The following CYP2C8 variants were observed in gnomAD, a reference collection of about 807,000 sequenced individuals.
CYP2C8 encodes the protein cytochrome P450 2C8.
In CYP2C8, 51 loss-of-function variants were observed where a neutral mutation model predicts 41.3. The observed-to-expected ratio is 1.24, with a 90% confidence interval of 0.99 to 1.56. CYP2C8 has a LOEUF of 1.56. Among genes scored for constraint, CYP2C8 ranks in the 40% most tolerant of loss-of-function variants. CYP2C8 has a pLI of 0.00. For synonymous variants in CYP2C8, 218 were observed against 205.8 expected, an observed-to-expected ratio of 1.06 and a Z score of -0.51; for missense variants, 651 against 579.9, an observed-to-expected ratio of 1.12 and a Z score of -1.26.
At chr10:95,046,797 G>A (rs896921942) in intron 5 of CYP2C8, among the ~76,000 whole-genome samples, 1 of 150,918 alleles carries the variant, frequency 6.6e-6, no homozygotes, top group East Asian at 1.9e-4. Flanking sequence ...CATGCTTCAG[G>A]GCTACCATAT....
intron 5 of CYP2C8, among the ~76,000 whole-genome samples, chr10:95,054,186 A>T (rs59825959): frequency 0.097 from 14,725 of 151,898 alleles, 1,113 homozygotes; most frequent in African/African-American, 0.21. Context: ...GGATTTTTTT[A>T]AAAAAAATTA....
chr10:95,051,362 G>A (rs971594539), intron 5 of CYP2C8, among the ~76,000 whole-genome samples: 1 of 152,042 alleles, frequency 6.6e-6, no homozygotes, highest in African/African-American at 2.4e-5. Context: ...ACAGGATCTA[G>A]AAAATAGTCT....
rs1253181165 is a variant in CYP2C8, at chr10:95,046,815, AGTC to A, written c.820-867_820-865del. 2.6e-5 allele frequency among the ~76,000 whole-genome samples: 4 copies of A among 151,362 alleles called. No homozygotes were observed. In the East Asian group the frequency reaches 5.8e-4, roughly 22 times the overall value. Reference sequence around the variant, plus strand: ...GCTTCAGGGCTACCATATTATTTCTAGTCTAGCCCACTATAAGACTTCTTGTAT... The same window carrying A: ...GCTTCAGGGCTACCATATTATTTCTATAGCCCACTATAAGACTTCTTGTAT... On this transcript the variant is annotated intron_variant, in intron 5 of 8. Transcript: ENST00000371270.
chr10:95,038,821 G>T (rs11572170), intron 8 of CYP2C8, 76 bp downstream of exon 8: 46,982 of 1,374,554 alleles, frequency 0.034, 1,177 homozygotes, highest in Middle Eastern at 0.12. Flanking sequence ...CCCAGAGGAG[G>T]TGCCATGTAA....
intron 3 of CYP2C8, 129 bp downstream of exon 3, chr10:95,067,079 C>T: frequency 7.6e-7 from 1 of 1,311,966 alleles, no homozygotes; most frequent in Non-Finnish European, 1.1e-6. Flanking sequence ...TCAAATCTCC[C>T]TCCACCACCT....
At position 95,069,296 on chromosome 10, in the gene CYP2C8, A is replaced by G; in HGVS notation, c.107T>C (p.Leu36Pro). ...RRKLPPGPTP[L>P]PIIGNMLQID... is the part of the protein sequence containing the mutation. ...CTGTAGCATATTTCCAATAATAGGA[A>G]GAGGAGTGGGGCCAGGAGGGAGCTT... The change falls in exon 1 of 9, where the codon CTT (leucine) becomes CCT (proline). Residue 36 changes from leucine (L) to proline (P), a missense_variant. Physicochemically the swap from Leu to Pro is moderately conservative, Grantham distance 98. Coordinates refer to ENST00000371270, the MANE Select transcript of CYP2C8 (RefSeq NM_000770.3). 1.2e-6 allele frequency: 2 copies of G among 1,614,030 alleles called. No individual in the cohort carries two copies. Among genetic ancestry groups the G allele is most frequent in the South Asian group, 1.1e-5 (1 of 91,078 alleles).
intron 6 of CYP2C8, among the ~76,000 whole-genome samples, chr10:95,045,537 C>T (rs1333521369): frequency 6.6e-6 from 1 of 152,204 alleles, no homozygotes; most frequent in Non-Finnish European, 1.5e-5. Context: ...TGCTGGCTCT[C>T]CTTACCACAA....
At chr10:95,059,576 T>TC (rs529905443) in intron 4 of CYP2C8, among the ~76,000 whole-genome samples, 204 of 152,342 alleles carry the variant, frequency 1.3e-3, no homozygotes, top group African/African-American at 4.4e-3. Context: ...GCAAAATTTT[T>TC]CTCCCATTCT....
intron 5 of CYP2C8, among the ~76,000 whole-genome samples, chr10:95,052,418 G>A (rs1430610913): frequency 8.6e-5 from 13 of 151,938 alleles, no homozygotes; most frequent in Non-Finnish European, 1.3e-4. Flanking sequence ...CCACAAAATA[G>A]TGAAGGAGGG....
chr10:95,057,235 C>T (rs1564738773), intron 5 of CYP2C8, among the ~76,000 whole-genome samples: 1 of 152,004 alleles, frequency 6.6e-6, no homozygotes, highest in Admixed American at 6.6e-5. Context: ...CAATCTGGTC[C>T]CATGTCCAAG....
intron 4 of CYP2C8, among the ~76,000 whole-genome samples, chr10:95,059,752 T>C (rs2033385469): frequency 6.6e-6 from 1 of 152,256 alleles, no homozygotes; most frequent in African/African-American, 2.4e-5. Flanking sequence ...GCCTAGGTTT[T>C]CTTCTAGAAT....
intron 7 of CYP2C8, among the ~76,000 whole-genome samples, chr10:95,042,181 G>A (rs12571878): frequency 6.6e-6 from 1 of 151,912 alleles, no homozygotes; most frequent in Admixed American, 6.6e-5. Context: ...GAAAATCCTA[G>A]CCAGCACAAT....
chr10:95,058,400 G>C lies in CYP2C8; in HGVS notation c.754C>G (p.Gln252Glu), dbSNP rs2033352438. 6.2e-7 allele frequency: 1 copy of C among 1,613,304 alleles called. No homozygotes were observed. Among genetic ancestry groups the C allele is most frequent in the South Asian group, 1.1e-5 (1 of 91,072 alleles). The change falls in exon 5 of 9, where the codon CAA (glutamine) becomes GAA (glutamate). Residue 252 changes from glutamine (Q) to glutamate (E), a missense_variant. Physicochemically the swap from Gln to Glu is conservative, Grantham distance 29. Coordinates refer to ENST00000371270, the MANE Select transcript of CYP2C8 (RefSeq NM_000770.3). Reference sequence around the variant, plus strand: ...GGATTGTTAACATCCAGTGATGCTTGGTGTTCTTTTACTTTCTCCCTAATG... The same window carrying C: ...GGATTGTTAACATCCAGTGATGCTTCGTGTTCTTTTACTTTCTCCCTAATG... ...SYIREKVKEH[Q>E]ASLDVNNPRD...
intron 5 of CYP2C8, among the ~76,000 whole-genome samples, chr10:95,052,729 G>A (rs373348420): frequency 9.2e-5 from 14 of 152,010 alleles, no homozygotes; most frequent in African/African-American, 2.9e-4. Flanking sequence ...AAAATTATTC[G>A]ATAAAATTCA....
intron 7 of CYP2C8, among the ~76,000 whole-genome samples, chr10:95,042,169 C>T (rs2033015630): frequency 6.6e-6 from 1 of 152,084 alleles, no homozygotes; most frequent in Non-Finnish European, 1.5e-5. Flanking sequence ...CAATGCTAAC[C>T]TGAAAATCCT....
rs1202095450 is a variant in CYP2C8, at chr10:95,068,439, A to G, written c.169-748T>C. On this transcript the variant is annotated intron_variant, in intron 1 of 8. Coordinates refer to ENST00000371270, the MANE Select transcript of CYP2C8 (RefSeq NM_000770.3). ...CCCTGACTGATTACTTCTTTCTTTCATGCACTTATGTTTGCCCTGAACCCA... is the reference window on the plus strand; with the variant it reads ...CCCTGACTGATTACTTCTTTCTTTCGTGCACTTATGTTTGCCCTGAACCCA... 35 of 429,212 alleles carry G rather than the reference A, an allele frequency of 8.2e-5. No individual in the cohort carries two copies. The East Asian group carries it at 2.3e-3, about 29-fold the overall frequency. 26.6% of individuals were successfully genotyped at this position (429,212 alleles called of 1,614,324 possible).
chr10:95,046,226 T>C (rs973027585), intron 5 of CYP2C8, among the ~76,000 whole-genome samples: 6 of 152,188 alleles, frequency 3.9e-5, no homozygotes, highest in African/African-American at 1.4e-4. Context: ...AGCAGAAGTA[T>C]ACTGATGCCC....
intron 5 of CYP2C8, among the ~76,000 whole-genome samples, chr10:95,049,665 C>A (rs182549156): frequency 6.6e-6 from 1 of 152,192 alleles, no homozygotes; most frequent in East Asian, 1.9e-4. Context: ...ACCTGAAAGG[C>A]AGTGTTGGCT....
intron 5 of CYP2C8, among the ~76,000 whole-genome samples, chr10:95,054,520 A>T (rs191143116): frequency 2.0e-5 from 3 of 152,312 alleles, no homozygotes; most frequent in African/African-American, 7.2e-5. Context: ...ATCCAATTTC[A>T]CTACTGCTAT....
Sources: allele counts gnomAD v4.1 joint callset (sites outside exome capture counted in the v4.1 genomes callset), GRCh38; gene constraint gnomAD v4.1.1; transcripts MANE v1.5; gene names NCBI Gene and HGNC (gene_info 2026-07-23, HGNC 2026-07-21).